CACNA2D1: variants seen among roughly 807,000 people sequenced by gnomAD.
CACNA2D1 encodes calcium voltage-gated channel auxiliary subunit alpha2delta 1, also known as voltage-dependent calcium channel subunit alpha-2/delta-1.
A neutral mutation model predicts 171.5 loss-of-function variants in CACNA2D1; 53 were observed. That is an observed-to-expected ratio of 0.31 (90% CI 0.25 to 0.39). CACNA2D1 has a LOEUF of 0.39. Among genes scored for constraint, CACNA2D1 ranks in the 10% least tolerant of loss-of-function variants. The pLI is 1.00. For missense variants in CACNA2D1, 903 were observed against 1,299.8 expected (o/e 0.69, Z 4.69); for synonymous variants, 442 against 443.1 (o/e 1.00, Z 0.03).
intron 31 of CACNA2D1, among the ~76,000 whole-genome samples, chr7:81,966,396 A>G (rs1337021036): frequency 6.6e-6 from 1 of 151,614 alleles, no homozygotes; most frequent in Non-Finnish European, 1.5e-5. Context: ...TTGCTCTTAA[A>G]ACAGCTACTG....
rs111576995 is a variant in CACNA2D1 at position 82,098,838 on chromosome 7, G to A, written c.527-13938C>T. Among the ~76,000 whole-genome samples, 825 of 152,238 alleles carry A rather than the reference G, an allele frequency of 5.4e-3. 1 individual carries two copies. Among genetic ancestry groups the A allele is most frequent in the Non-Finnish European group, 9.6e-3 (650 of 68,002 alleles). On this transcript the variant is annotated intron_variant, in intron 6 of 38. Coordinates refer to ENST00000356860, the MANE Select transcript of CACNA2D1 (RefSeq NM_000722.4). ...GCCAAACATCATCATCAGAAGGCAG[G>A]TCTGACAAGATTTAATTACTTAGAA... is the stretch of plus-strand genomic sequence containing the variant.
chr7:82,186,286 GGAAA>G (rs1184805540), intron 3 of CACNA2D1, among the ~76,000 whole-genome samples: 1,531 of 142,192 alleles, frequency 0.011, 71 homozygotes, highest in South Asian at 0.02. Context: ...AAGGAAGGAA[GGAAA>G]GAAAGGTGGG....
intron 21 of CACNA2D1, among the ~76,000 whole-genome samples, chr7:81,989,909 T>C (rs552074411): frequency 4.3e-4 from 65 of 152,318 alleles, no homozygotes; most frequent in African/African-American, 1.4e-3. Context: ...ATTTCATGTC[T>C]TGAGTCAAGG....
intron 31 of CACNA2D1, 103 bp downstream of exon 31, chr7:81,967,066 C>T (rs1794775472): frequency 2.6e-6 from 2 of 776,106 alleles, no homozygotes; most frequent in African/African-American, 1.8e-5. Flanking sequence ...ATTTTTTAGC[C>T]TTTGATTAAA....
Position 82,084,863 on chromosome 7 carries a change from G to A in CACNA2D1, c.564C>T (p.Ala188=), listed in dbSNP as rs1810259825. 1.9e-6 allele frequency: 3 copies of A among 1,613,548 alleles called. No homozygotes were observed. The highest frequency in any genetic ancestry group is 1.3e-5 in the African/African-American group (1 of 74,868). Reference sequence around the variant, plus strand: ...GATTCTTTTTGAAAACTTCATCTAAGGCACTTGTCCAGTTGAGTTCATTTA... The same window carrying A: ...GATTCTTTTTGAAAACTTCATCTAAAGCACTTGTCCAGTTGAGTTCATTTA... ...IVLNELNWTS[A]LDEVFKKNRE... The change falls in exon 7 of 39, where the codon GCC becomes GCT. Residue 188 remains alanine, a synonymous_variant. Coordinates refer to ENST00000356860, the MANE Select transcript of CACNA2D1 (RefSeq NM_000722.4).
At chr7:82,386,665 G>A (rs142463613) in intron 1 of CACNA2D1, among the ~76,000 whole-genome samples, 1,746 of 151,960 alleles carry the variant, frequency 0.011, 59 homozygotes, top group East Asian at 0.07. Flanking sequence ...CTCGAGAGGC[G>A]GAGGTTGTGG....
intron 1 of CACNA2D1, among the ~76,000 whole-genome samples, chr7:82,356,203 G>A (rs940056283): frequency 2.6e-5 from 4 of 152,084 alleles, no homozygotes; most frequent in African/African-American, 9.7e-5. Context: ...TTTCACTGAT[G>A]AGAAAAACTA....
intron 6 of CACNA2D1, among the ~76,000 whole-genome samples, chr7:82,085,524 A>T (rs1373702227): frequency 7.0e-6 from 1 of 143,586 alleles, no homozygotes; most frequent in Non-Finnish European, 1.6e-5. Context: ...GCTACCTTAA[A>T]AAAAAAAAAA....
chr7:82,226,358 A>G (rs1249345732), intron 3 of CACNA2D1, among the ~76,000 whole-genome samples: 1 of 152,186 alleles, frequency 6.6e-6, no homozygotes, highest in Non-Finnish European at 1.5e-5. Context: ...ACCCTTCAAG[A>G]AAAATATTGA....
chr7:81,973,608 G>C (rs1294107044), intron 25 of CACNA2D1, among the ~76,000 whole-genome samples: 1 of 151,900 alleles, frequency 6.6e-6, no homozygotes, highest in African/African-American at 2.4e-5. Context: ...AGAACAAAGA[G>C]ACTCCTCTTT....
intron 5 of CACNA2D1, among the ~76,000 whole-genome samples, chr7:82,119,338 C>A (rs946818856): frequency 2.6e-5 from 4 of 152,094 alleles, no homozygotes; most frequent in African/African-American, 4.8e-5. Flanking sequence ...ATGCATAATT[C>A]TCAGACTATT....
chr7:82,207,335 T>A, intron 3 of CACNA2D1, among the ~76,000 whole-genome samples: 1 of 152,208 alleles, frequency 6.6e-6, no homozygotes, highest in African/African-American at 2.4e-5. Context: ...CCTCAGTTCA[T>A]GCTTCTGTAA....
intron 3 of CACNA2D1, among the ~76,000 whole-genome samples, chr7:82,180,480 C>T (rs983582266): frequency 8.5e-5 from 13 of 152,100 alleles, no homozygotes; most frequent in South Asian, 2.1e-4. Context: ...AAATTGTGGT[C>T]GGCTAGCTTA....
intron 3 of CACNA2D1, among the ~76,000 whole-genome samples, chr7:82,296,189 G>A (rs1812266168): frequency 6.6e-6 from 1 of 151,634 alleles, no homozygotes; most frequent in Non-Finnish European, 1.5e-5. Flanking sequence ...CAGCACACCA[G>A]CATGGCACAT....
chr7:82,236,185 G>A (rs931735479), intron 3 of CACNA2D1, among the ~76,000 whole-genome samples: 7 of 151,846 alleles, frequency 4.6e-5, no homozygotes, highest in Non-Finnish European at 8.8e-5. Context: ...CTAGAAACTC[G>A]TAACAAGTTA....
intron 3 of CACNA2D1, among the ~76,000 whole-genome samples, chr7:82,188,325 C>T (rs28452963): frequency 0.026 from 3,921 of 152,124 alleles, 140 homozygotes; most frequent in African/African-American, 0.084. Context: ...AGGAATTTAG[C>T]AGTCAGGGAG....
At chr7:82,347,899 C>T (rs1353843185) in intron 2 of CACNA2D1, among the ~76,000 whole-genome samples, 4 of 152,050 alleles carry the variant, frequency 2.6e-5, no homozygotes, top group African/African-American at 9.7e-5. Context: ...CTTCATAAAG[C>T]ATAATAGAAA....
chr7:82,187,317 T>G (rs2129180738), intron 3 of CACNA2D1, among the ~76,000 whole-genome samples: 1 of 152,262 alleles, frequency 6.6e-6, no homozygotes, highest in African/African-American at 2.4e-5. Flanking sequence ...AGAAAAATTT[T>G]AAATTGGAAT....
chr7:82,424,061 AAAAT>A (rs1265171017), intron 1 of CACNA2D1, among the ~76,000 whole-genome samples: 3 of 152,234 alleles, frequency 2.0e-5, no homozygotes, highest in Admixed American at 1.3e-4. Context: ...TAAAATTTAC[AAAAT>A]AAATAAATCA....
Sources: allele counts gnomAD v4.1 joint callset (sites outside exome capture counted in the v4.1 genomes callset), GRCh38; gene constraint gnomAD v4.1.1; transcripts MANE v1.5; gene names NCBI Gene and HGNC (gene_info 2026-07-23, HGNC 2026-07-21).